The following KSR2 variants were observed in gnomAD, a reference collection of about 807,000 sequenced individuals.
KSR2 encodes the protein kinase suppressor of ras 2.
Under a neutral mutation model 107.8 loss-of-function variants are expected in KSR2, and 25 were observed. The observed-to-expected ratio is 0.23, with a 90% confidence interval of 0.17 to 0.32. The LOEUF (loss-of-function observed/expected upper bound fraction) is 0.32. Ranked by LOEUF, KSR2 falls within the 10% of genes least tolerant of loss-of-function variation. The pLI, the probability that KSR2 is intolerant of heterozygous loss-of-function variation, is 1.00. For synonymous variants in KSR2, 480 were observed against 507.0 expected, an observed-to-expected ratio of 0.95 and a Z score of 0.71; for missense variants, 887 against 1,268.9, an observed-to-expected ratio of 0.70 and a Z score of 4.57.
At chr12:117,861,403 T>C (rs1331312076) in intron 1 of KSR2, among the ~76,000 whole-genome samples, 1 of 142,294 alleles carries the variant, frequency 7.0e-6, no homozygotes, top group Non-Finnish European at 1.5e-5. Context: ...TTTTTTTTTT[T>C]TTTGAGATGG....
chr12:117,690,857 T>G (rs1181578084), intron 4 of KSR2, among the ~76,000 whole-genome samples: 2 of 152,228 alleles, frequency 1.3e-5, no homozygotes, highest in African/African-American at 4.8e-5. Flanking sequence ...GAAAACCTTT[T>G]GCTCTGTATC....
rs144267459 is a variant in KSR2 at position 117,480,026 on chromosome 12, GTA to G, written c.2451-3433_2451-3432del. Among the ~76,000 whole-genome samples, 1,286 of 140,424 alleles carry G rather than the reference GTA, an allele frequency of 9.2e-3. 11 individuals carry two copies. Among genetic ancestry groups the G allele is most frequent in the Middle Eastern group, 0.024 (7 of 294 alleles). 92.1% of individuals were successfully genotyped at this position (140,424 alleles called of 152,430 possible). On this transcript the variant is annotated intron_variant, in intron 16 of 19. Coordinates refer to ENST00000339824, the MANE Select transcript of KSR2 (RefSeq NM_173598.6). ...TACTGGACATAATCATTACACATGT[GTA>G]TGTGTGTGTGTGTGTGTGTGTGTGT... is the stretch of plus-strand genomic sequence containing the variant.
chr12:117,819,868 G>A (rs479143), intron 3 of KSR2, among the ~76,000 whole-genome samples: 99,702 of 151,952 alleles, frequency 0.66, 33,303 homozygotes, highest in Admixed American at 0.74. Context: ...AAGGGAAGGA[G>A]AAAGGGCATC....
At chr12:117,488,385 C>T (rs1412754739) in intron 14 of KSR2, among the ~76,000 whole-genome samples, 1 of 152,138 alleles carries the variant, frequency 6.6e-6, no homozygotes, top group African/African-American at 2.4e-5. Context: ...TGTTGAAATC[C>T]CAAACTAGAA....
chr12:117,753,359 T>TC (rs1888674186), intron 4 of KSR2, among the ~76,000 whole-genome samples: 1 of 152,304 alleles, frequency 6.6e-6, no homozygotes, highest in Non-Finnish European at 1.5e-5. Context: ...TTCCTGTCTT[T>TC]CCCCAATAAC....
intron 4 of KSR2, among the ~76,000 whole-genome samples, chr12:117,694,793 C>T (rs1277220045): frequency 6.7e-6 from 1 of 150,326 alleles, no homozygotes; most frequent in Non-Finnish European, 1.5e-5. Context: ...ACCTTGAAGA[C>T]ATTCTGCTAA....
chr12:117,777,154 T>TAC (rs1331655986), intron 3 of KSR2, among the ~76,000 whole-genome samples: 65 of 139,282 alleles, frequency 4.7e-4, no homozygotes, highest in Admixed American at 7.6e-4. Flanking sequence ...TATATATATA[T>TAC]ACACACCATA....
chr12:117,624,901 C>G (rs530740527), intron 5 of KSR2, among the ~76,000 whole-genome samples: 1 of 152,116 alleles, frequency 6.6e-6, no homozygotes, highest in Admixed American at 6.6e-5. Context: ...TTATAGTTCT[C>G]CTTGAAGAGG....
At chr12:117,792,691 T>G (rs765281502) in intron 3 of KSR2, among the ~76,000 whole-genome samples, 2 of 152,246 alleles carry the variant, frequency 1.3e-5, no homozygotes. Flanking sequence ...TTTCCCTGTC[T>G]TGACTGCTGG....
chr12:117,728,545 CCA>C (rs1166016364), intron 4 of KSR2, among the ~76,000 whole-genome samples: 1 of 152,162 alleles, frequency 6.6e-6, no homozygotes, highest in African/African-American at 2.4e-5. Context: ...CCCAGCTGCC[CCA>C]CACTTCAGGA....
At chr12:117,513,995 A>G (rs866329292) in intron 14 of KSR2, among the ~76,000 whole-genome samples, 1 of 152,150 alleles carries the variant, frequency 6.6e-6, no homozygotes, top group African/African-American at 2.4e-5. Flanking sequence ...TTGTCTCCCT[A>G]TGTAAAGCTG....
intron 7 of KSR2, among the ~76,000 whole-genome samples, chr12:117,559,141 G>A (rs183865884): frequency 6.6e-6 from 1 of 152,218 alleles, no homozygotes; most frequent in Admixed American, 6.5e-5. Context: ...GGTCTGGAAA[G>A]CTCTGGGTGC....
intron 4 of KSR2, among the ~76,000 whole-genome samples, chr12:117,740,616 C>T (rs1385990517): frequency 2.8e-5 from 3 of 109,014 alleles, no homozygotes; most frequent in Admixed American, 1.1e-4. Context: ...GTAAAATATA[C>T]ATATATTATA....
At chr12:117,695,722 A>C (rs1256552271) in intron 4 of KSR2, among the ~76,000 whole-genome samples, 4 of 152,074 alleles carry the variant, frequency 2.6e-5, no homozygotes, top group Middle Eastern at 3.4e-3. Context: ...AACAAACAAA[A>C]AAAAAAACAA....
At chr12:117,847,634 G>A (rs1221205513) in intron 3 of KSR2, among the ~76,000 whole-genome samples, 2 of 152,186 alleles carry the variant, frequency 1.3e-5, no homozygotes, top group East Asian at 3.9e-4. Flanking sequence ...GACACCTTCT[G>A]TTCAGCCTAC....
chr12:117,577,363 GA>G lies in KSR2; in HGVS notation c.1325+1755del, dbSNP rs532657973. 6.7e-3 allele frequency among the ~76,000 whole-genome samples: 963 copies of G among 144,666 alleles called. 12 individuals are homozygous for G. The highest frequency in any genetic ancestry group is 0.025 in the African/African-American group (907 of 36,068). The allele number at this position is 144,666 out of a possible 152,430, so 94.9% of individuals were successfully genotyped here. A position where few individuals can be genotyped will look rare whatever the true frequency, so the allele number is the denominator to read the frequency against. ...ATACATGTTTACAGAAGGAGAGAGAGAGAGGGGGGGAGAGATTGAGGCCAGA... is the reference window on the plus strand; with the variant it reads ...ATACATGTTTACAGAAGGAGAGAGAGGAGGGGGGGAGAGATTGAGGCCAGA... On this transcript the variant is annotated intron_variant, in intron 7 of 19. Transcript: ENST00000339824.
chr12:117,588,701 G>A (rs1157327189), intron 5 of KSR2, among the ~76,000 whole-genome samples: 1 of 152,208 alleles, frequency 6.6e-6, no homozygotes, highest in Non-Finnish European at 1.5e-5. Context: ...GTGTGGTAGG[G>A]AAGAAAGTAC....
chr12:117,721,584 A>G (rs1056673888), intron 4 of KSR2, among the ~76,000 whole-genome samples: 1 of 152,180 alleles, frequency 6.6e-6, no homozygotes, highest in Non-Finnish European at 1.5e-5. Context: ...GGATCCAAAG[A>G]GGGGGCAGAT....
intron 4 of KSR2, among the ~76,000 whole-genome samples, chr12:117,741,393 C>G (rs558415990): frequency 6.6e-6 from 1 of 152,098 alleles, no homozygotes; most frequent in African/African-American, 2.4e-5. Context: ...CACAGTGGTG[C>G]ACACCTGTCA....
Sources: allele counts gnomAD v4.1 joint callset (sites outside exome capture counted in the v4.1 genomes callset), GRCh38; gene constraint gnomAD v4.1.1; transcripts MANE v1.5; gene names NCBI Gene and HGNC (gene_info 2026-07-23, HGNC 2026-07-21).